The following EYA4 variants were observed in gnomAD, a reference collection of about 807,000 sequenced individuals.
EYA4 encodes the protein protein phosphatase EYA4.
EYA4 carries 31 observed loss-of-function variants against 87.9 expected under a neutral mutation model. The ratio of observed to expected loss-of-function variants is 0.35; its 90% CI spans 0.27 to 0.48. The LOEUF is 0.48. Ranked by LOEUF, EYA4 falls within the 20% of genes least tolerant of loss-of-function variation. The pLI, the probability that EYA4 is intolerant of heterozygous loss-of-function variation, is 0.99. For synonymous variants in EYA4, 263 were observed against 270.6 expected, an observed-to-expected ratio of 0.97 and a Z score of 0.28; for missense variants, 678 against 761.4, an observed-to-expected ratio of 0.89 and a Z score of 1.29.
chr6:133,260,789 T>C (rs1775736624), intron 1 of EYA4, among the ~76,000 whole-genome samples: 2 of 152,206 alleles, frequency 1.3e-5, no homozygotes, highest in South Asian at 4.1e-4. Flanking sequence ...GGCTCCATCA[T>C]AGGACAGGCT....
chr6:133,298,116 C>T (rs78369951), intron 2 of EYA4, among the ~76,000 whole-genome samples: 321 of 151,996 alleles, frequency 2.1e-3, no homozygotes, highest in Non-Finnish European at 3.3e-3. Flanking sequence ...TTTAATTTGA[C>T]GTGTTATACT....
At chr6:133,315,213 G>T (rs1780532838) in intron 2 of EYA4, among the ~76,000 whole-genome samples, 1 of 152,240 alleles carries the variant, frequency 6.6e-6, no homozygotes, top group Admixed American at 6.5e-5. Context: ...GCACAGCTGT[G>T]TAGTCAGGGG....
intron 3 of EYA4, among the ~76,000 whole-genome samples, chr6:133,427,743 A>C (rs73561756): frequency 0.058 from 8,771 of 152,158 alleles, 755 homozygotes; most frequent in African/African-American, 0.18. Flanking sequence ...AATTAGGGTA[A>C]TTGTCTAGAG....
chr6:133,351,254 T>G (rs985982869), intron 2 of EYA4, among the ~76,000 whole-genome samples: 1 of 152,188 alleles, frequency 6.6e-6, no homozygotes, highest in Non-Finnish European at 1.5e-5. Context: ...GTCCGGTATT[T>G]AGTGAGGCCT....
chr6:133,410,633 T>TTTTTTTTTTTTTTTTTTTTTTTTG (rs1554252061), intron 3 of EYA4, among the ~76,000 whole-genome samples: 3 of 148,720 alleles, frequency 2.0e-5, no homozygotes, highest in Non-Finnish European at 1.5e-5. Flanking sequence ...ACTAAGGTCT[T>TTTTTTTTTTTTTTTTTTTTTTTTG]AATTCCTTCT....
intron 1 of EYA4, among the ~76,000 whole-genome samples, chr6:133,255,296 A>T (rs921795380): frequency 6.6e-6 from 1 of 152,132 alleles, no homozygotes; most frequent in Non-Finnish European, 1.5e-5. Flanking sequence ...TTTGTATAAC[A>T]TATTAAAACA....
At chr6:133,269,603 A>G (rs1335664672) in intron 1 of EYA4, among the ~76,000 whole-genome samples, 1 of 152,228 alleles carries the variant, frequency 6.6e-6, no homozygotes, top group East Asian at 1.9e-4. Flanking sequence ...AAGGAAAGTA[A>G]CATGTACTTT....
At chr6:133,243,033 A>G (rs1774093348) in intron 1 of EYA4, among the ~76,000 whole-genome samples, 1 of 151,522 alleles carries the variant, frequency 6.6e-6, no homozygotes, top group Non-Finnish European at 1.5e-5. Flanking sequence ...GCCAAGGTGC[A>G]GAATAGCGCC....
chr6:133,415,072 A>C (rs1413278346), intron 3 of EYA4, among the ~76,000 whole-genome samples: 2 of 152,192 alleles, frequency 1.3e-5, no homozygotes, highest in African/African-American at 4.8e-5. Flanking sequence ...TAACCCTGTA[A>C]CTAACCAAAG....
rs1187396214 is a variant in EYA4 at position 133,512,971 on chromosome 6, G to A, written c.1434G>A (p.Met478Ile). Residue 478 changes from methionine to isoleucine, a missense_variant, in exon 16 of 20, where the codon ATG (methionine) becomes ATA (isoleucine). Met to Ile is a conservative substitution (Grantham distance 10). Coordinates refer to ENST00000355286, the MANE Select transcript of EYA4 (RefSeq NM_004100.5). Reference sequence around the variant, plus strand: ...GTGTAAGAGGAGGGGTTGACTGGATGAGGAAGTTGGCTTTTCGTTACAGAA... The same window carrying A: ...GTGTAAGAGGAGGGGTTGACTGGATAAGGAAGTTGGCTTTTCGTTACAGAA... ...PTGVRGGVDW[M>I]RKLAFRYRRV... 3.1e-6 allele frequency: 5 copies of A among 1,614,142 alleles called. No individual in the cohort carries two copies. The South Asian group carries it at 5.5e-5, about 18-fold the overall frequency.
At chr6:133,386,219 T>C (rs898156579) in intron 3 of EYA4, among the ~76,000 whole-genome samples, 2 of 152,172 alleles carry the variant, frequency 1.3e-5, no homozygotes, top group African/African-American at 2.4e-5. Context: ...ATATTTTGCA[T>C]TGATGTTTTT....
In EYA4 at chr6:133,400,722, T is replaced by C. The variant is rs146727665; in HGVS notation, c.83+18281T>C. On this transcript the variant is annotated intron_variant, in intron 3 of 19. Coordinates refer to ENST00000355286, the MANE Select transcript of EYA4 (RefSeq NM_004100.5). The stretch of plus-strand genomic sequence containing the variant: ...TTACCTTATTTTTTTACAGTGTTAT[T>C]TTTAAATACCTTGGAGATATCTTAA... Among the ~76,000 whole-genome samples, 537 of 152,230 alleles carry C rather than the reference T, an allele frequency of 3.5e-3. 3 individuals are homozygous for C. The highest frequency in any genetic ancestry group is 0.012 in the African/African-American group (515 of 41,558).
chr6:133,418,618 A>G (rs1583225193), intron 3 of EYA4, among the ~76,000 whole-genome samples: 1 of 152,340 alleles, frequency 6.6e-6, no homozygotes, highest in South Asian at 2.1e-4. Flanking sequence ...TACATAATTG[A>G]TAAGTCAGTA....
intron 1 of EYA4, among the ~76,000 whole-genome samples, chr6:133,259,841 G>T (rs1327264184): frequency 1.3e-5 from 2 of 152,132 alleles, no homozygotes; most frequent in Non-Finnish European, 2.9e-5. Context: ...TAATGTTATA[G>T]AAAAGTTGTT....
chr6:133,518,394 T>G (rs1799790070), intron 17 of EYA4, among the ~76,000 whole-genome samples: 1 of 152,246 alleles, frequency 6.6e-6, no homozygotes, highest in East Asian at 1.9e-4. Flanking sequence ...TGCTGAGTTA[T>G]CCACATATAT....
intron 3 of EYA4, among the ~76,000 whole-genome samples, chr6:133,408,667 A>G (rs1788943963): frequency 1.3e-5 from 2 of 152,176 alleles, no homozygotes; most frequent in African/African-American, 2.4e-5. Context: ...GATAATAACA[A>G]TATCTACCTC....
At chr6:133,247,079 A>G (rs1290549939) in intron 1 of EYA4, 2 of 152,236 alleles carry the variant, frequency 1.3e-5, no homozygotes, top group Non-Finnish European at 2.9e-5. Context: ...TAAATTTTGT[A>G]TTAAACCTGT....
intron 2 of EYA4, among the ~76,000 whole-genome samples, chr6:133,295,204 A>T (rs941860986): frequency 2.6e-4 from 39 of 152,234 alleles, no homozygotes; most frequent in Non-Finnish European, 1.8e-4. Context: ...TCTTCAAATG[A>T]TCAGCTCCAT....
intron 2 of EYA4, among the ~76,000 whole-genome samples, chr6:133,300,047 T>A (rs1779278485): frequency 6.6e-6 from 1 of 151,982 alleles, no homozygotes. Flanking sequence ...AAACTGTTCG[T>A]TAACACATTT....
Sources: allele counts gnomAD v4.1 joint callset (sites outside exome capture counted in the v4.1 genomes callset), GRCh38; gene constraint gnomAD v4.1.1; transcripts MANE v1.5; gene names NCBI Gene and HGNC (gene_info 2026-07-23, HGNC 2026-07-21).